Variants in RALGAPA1 observed in about 807,000 individuals in gnomAD.
RALGAPA1 encodes Ral GTPase activating protein catalytic subunit alpha 1.
RALGAPA1 carries 52 observed loss-of-function variants against 269.6 expected under a neutral mutation model. The observed-to-expected ratio is 0.19, with a 90% CI of 0.15 to 0.24. RALGAPA1 has a LOEUF of 0.24. Among genes scored for constraint, RALGAPA1 ranks in the 10% least tolerant of loss-of-function variants. RALGAPA1 has a pLI of 1.00. For synonymous variants in RALGAPA1, 817 were observed against 1,008.3 expected, an observed-to-expected ratio of 0.81 and a Z score of 3.60; for missense variants, 1,917 against 3,013.9, an observed-to-expected ratio of 0.64 and a Z score of 8.52.
chr14:35,641,279 A>C (rs989432215), intron 31 of RALGAPA1, among the ~76,000 whole-genome samples: 7 of 152,180 alleles, frequency 4.6e-5, no homozygotes, highest in Admixed American at 3.3e-4. Flanking sequence ...AGGGTATGCA[A>C]ATTGGAAAGG....
intron 26 of RALGAPA1, among the ~76,000 whole-genome samples, chr14:35,669,156 A>G (rs1180933693): frequency 1.3e-5 from 2 of 152,238 alleles, no homozygotes; most frequent in Non-Finnish European, 2.9e-5. Context: ...GAATCACCAA[A>G]TAATTTTAAC....
At chr14:35,664,589 C>A in intron 27 of RALGAPA1, 53 bp downstream of exon 27, 1 of 1,417,738 alleles carries the variant, frequency 7.1e-7, no homozygotes, top group Non-Finnish European at 9.7e-7. Flanking sequence ...ATTGCATATA[C>A]TTTATGATTA....
At chr14:35,671,686 T>A (rs1595074321) in intron 25 of RALGAPA1, among the ~76,000 whole-genome samples, 169 bp from the exon 26 acceptor site, 1 of 152,246 alleles carries the variant, frequency 6.6e-6, no homozygotes, top group East Asian at 1.9e-4. Flanking sequence ...CCATGCTTAA[T>A]ATTATATTCT....
intron 16 of RALGAPA1, among the ~76,000 whole-genome samples, chr14:35,701,890 C>A (rs55862860): frequency 0.018 from 2,782 of 152,156 alleles, 85 homozygotes; most frequent in African/African-American, 0.063. Flanking sequence ...CTCAAGCGAC[C>A]CTCTCACATT....
chr14:35,741,810 T>C (rs1386480648), intron 11 of RALGAPA1, among the ~76,000 whole-genome samples: 1 of 152,222 alleles, frequency 6.6e-6, no homozygotes, highest in Non-Finnish European at 1.5e-5. Context: ...ATGCCACCTC[T>C]ACTACTCTCT....
In RALGAPA1 at chr14:35,787,744, TA is replaced by T. The variant is rs759588666; in HGVS notation, c.107-12000del. On this transcript the variant is annotated intron_variant, in intron 1 of 41. Coordinates refer to ENST00000680220, the MANE Select transcript of RALGAPA1 (RefSeq NM_001346249.2). ...GTACATGTCACCACACCCAGCTAAT[TA>T]AAAAAAAAAAAAAGTTGTAGAGATG... Among the ~76,000 whole-genome samples, 720 of 139,402 alleles carry T rather than the reference TA, an allele frequency of 5.2e-3. 2 individuals carry two copies. The highest frequency in any genetic ancestry group is 0.011 in the Middle Eastern group (3 of 274). 91.5% of individuals were successfully genotyped at this position (139,402 alleles called of 152,430 possible). A position where few individuals can be genotyped will look rare whatever the true frequency, so the allele number is the denominator to read the frequency against.
intron 3 of RALGAPA1, among the ~76,000 whole-genome samples, chr14:35,773,905 AATT>A (rs547517754): frequency 1.6e-4 from 24 of 151,176 alleles, no homozygotes; most frequent in African/African-American, 2.9e-4. Context: ...CTAAAGAGTG[AATT>A]ATTATTATTA....
chr14:35,741,239 A>C (rs1298035918), intron 11 of RALGAPA1, among the ~76,000 whole-genome samples: 1 of 152,228 alleles, frequency 6.6e-6, no homozygotes, highest in Non-Finnish European at 1.5e-5. Context: ...TGACTAAAAA[A>C]GTCAGAGAAA....
At chr14:35,711,863 T>C (rs977558287) in intron 16 of RALGAPA1, among the ~76,000 whole-genome samples, 14 of 152,234 alleles carry the variant, frequency 9.2e-5, no homozygotes, top group Non-Finnish European at 1.6e-4. Flanking sequence ...TCCCTTAAAA[T>C]ACTGCTGTCA....
At chr14:35,716,397 CAA>C (rs78953823) in intron 16 of RALGAPA1, among the ~76,000 whole-genome samples, 1 of 44,610 alleles carries the variant, frequency 2.2e-5, no homozygotes. Flanking sequence ...GACTCCGTCT[CAA>C]AAAAAAAAAA....
intron 37 of RALGAPA1, 83 bp from the exon 38 acceptor site, chr14:35,572,801 A>G: frequency 2.0e-6 from 2 of 987,278 alleles, no homozygotes; most frequent in Non-Finnish European, 2.8e-6. Context: ...TAAAAAGGGG[A>G]AAAACGAAAT....
At chr14:35,757,627 T>C (rs2073306356) in intron 6 of RALGAPA1, among the ~76,000 whole-genome samples, 1 of 152,266 alleles carries the variant, frequency 6.6e-6, no homozygotes, top group Non-Finnish European at 1.5e-5. Flanking sequence ...TTTATCAAAG[T>C]ACCAATCTGT....
chr14:35,808,681 G>A (rs1391374611), intron 1 of RALGAPA1, 49 bp downstream of exon 1: 13 of 1,566,890 alleles, frequency 8.3e-6, no homozygotes, highest in Non-Finnish European at 1.1e-5. Context: ...CCCAGGAGAG[G>A]GAAGGCCGGG....
chr14:35,600,224 CT>C lies in RALGAPA1; in HGVS notation c.7054-4436del, dbSNP rs1349247404. ...TTTTCTTTTCCTTTTTTTTCTTTTT[CT>C]TTTTTTCTTTTTTTTTTTTTTTTTG... On this transcript the variant is annotated intron_variant, in intron 36 of 41. Transcript: ENST00000680220. Among the ~76,000 whole-genome samples, 12 of 92,622 alleles carry C rather than the reference CT, an allele frequency of 1.3e-4. No homozygotes were observed. The South Asian group carries it at 3.4e-3, about 26-fold the overall frequency. 60.8% of individuals were successfully genotyped at this position (92,622 alleles called of 152,430 possible). A position where few individuals can be genotyped will look rare whatever the true frequency, so the allele number is the denominator to read the frequency against.
chr14:35,797,494 C>A (rs1238140999), intron 1 of RALGAPA1, among the ~76,000 whole-genome samples: 1 of 151,978 alleles, frequency 6.6e-6, no homozygotes, highest in African/African-American at 2.4e-5. Context: ...GGAATAAGTT[C>A]TGTCATTTGA....
intron 36 of RALGAPA1, among the ~76,000 whole-genome samples, chr14:35,596,741 A>G (rs1314293209): frequency 2.0e-5 from 3 of 152,180 alleles, no homozygotes; most frequent in Non-Finnish European, 4.4e-5. Context: ...ATTTTAAAGC[A>G]TTAAAAAAGC....
At chr14:35,602,586 T>C (rs2059358143) in intron 36 of RALGAPA1, among the ~76,000 whole-genome samples, 1 of 152,226 alleles carries the variant, frequency 6.6e-6, no homozygotes, top group Non-Finnish European at 1.5e-5. Flanking sequence ...CACCTTTTCA[T>C]GTGCTTATTG....
At chr14:35,679,870 A>G (rs904823552) in intron 21 of RALGAPA1, among the ~76,000 whole-genome samples, 1 of 152,198 alleles carries the variant, frequency 6.6e-6, no homozygotes. Flanking sequence ...CATATATCAA[A>G]TGAGTAATCA....
rs768155479 is a variant in RALGAPA1, at chr14:35,775,754, T to A, written c.107-9A>T. The A allele has an allele frequency of 4.6e-6, 7 of 1,519,664 alleles. No homozygotes were observed. The highest frequency in any genetic ancestry group is 1.3e-5 in the South Asian group (1 of 74,750). The allele number at this position is 1,519,664 out of a possible 1,614,324, so 94.1% of individuals were successfully genotyped here. A position where few individuals can be genotyped will look rare whatever the true frequency, so the allele number is the denominator to read the frequency against. ...AATAGATTCTGCATTCTCTGAAAAA[T>A]AAAAAAAAATTACTGATTATTTACA... On this transcript the variant is annotated splice_polypyrimidine_tract_variant and intron_variant, in intron 1 of 41. Coordinates refer to ENST00000680220, the MANE Select transcript of RALGAPA1 (RefSeq NM_001346249.2).
Sources: allele counts gnomAD v4.1 joint callset (sites outside exome capture counted in the v4.1 genomes callset), GRCh38; gene constraint gnomAD v4.1.1; transcripts MANE v1.5; gene names NCBI Gene and HGNC (gene_info 2026-07-23, HGNC 2026-07-21).